The following PCMT1 variants were observed in gnomAD, a reference collection of about 807,000 sequenced individuals.
PCMT1 encodes the protein protein-L-isoaspartate(D-aspartate) O-methyltransferase.
A neutral mutation model predicts 29.2 loss-of-function variants in PCMT1; 9 were observed. That is an observed-to-expected ratio of 0.31 (90% CI 0.19 to 0.54). The LOEUF (loss-of-function observed/expected upper bound fraction) is 0.54, where lower values mean the gene tolerates loss of function less well. PCMT1 is among the 20% of genes least tolerant of loss of function. The pLI is 0.95. For missense variants in PCMT1, 184 were observed against 282.2 expected, an observed-to-expected ratio of 0.65 and a Z score of 2.49; for synonymous variants, 98 against 97.5, an observed-to-expected ratio of 1.00 and a Z score of -0.03.
At chr6:149,750,899 A>G (rs1786288284) in intron 1 of PCMT1, among the ~76,000 whole-genome samples, 1 of 152,174 alleles carries the variant, frequency 6.6e-6, no homozygotes, top group African/African-American at 2.4e-5. Context: ...ATTATTCGCT[A>G]CTATGCAGTA....
intron 7 of PCMT1, among the ~76,000 whole-genome samples, chr6:149,805,040 A>G (rs1775965557): frequency 6.6e-6 from 1 of 152,064 alleles, no homozygotes; most frequent in African/African-American, 2.4e-5. Flanking sequence ...CCAGAAGTTC[A>G]AGAGAAGCCT....
chr6:149,793,518 A>G (rs370093731), intron 4 of PCMT1, 31 bp from the exon 5 acceptor site: 289 of 1,419,368 alleles, frequency 2.0e-4, no homozygotes, highest in Non-Finnish European at 2.6e-4. Flanking sequence ...ATTTAGCCCA[A>G]TGAGCTACTG....
At chr6:149,773,448 G>A (rs746534160) in intron 3 of PCMT1, among the ~76,000 whole-genome samples, 8 of 152,054 alleles carry the variant, frequency 5.3e-5, no homozygotes, top group Non-Finnish European at 8.8e-5. Flanking sequence ...GCACAATCTC[G>A]GCTCACTGCA....
At chr6:149,769,766 T>C (rs1787234653) in intron 1 of PCMT1, among the ~76,000 whole-genome samples, 1 of 143,730 alleles carries the variant, frequency 7.0e-6, no homozygotes, top group Non-Finnish European at 1.5e-5. Context: ...CCCCAGCTAA[T>C]TAAATTTTTT....
At chr6:149,771,969 C>T (rs1323797819) in intron 2 of PCMT1, 2 of 456,600 alleles carry the variant, frequency 4.4e-6, no homozygotes, top group Non-Finnish European at 8.8e-6. Flanking sequence ...TTAATGACTT[C>T]TCTGCTTTAT....
chr6:149,774,272 C>T (rs560413412), intron 3 of PCMT1, among the ~76,000 whole-genome samples: 1 of 151,556 alleles, frequency 6.6e-6, no homozygotes, highest in East Asian at 1.9e-4. Context: ...TGGAGTCTCA[C>T]ACTGTTGCCC....
In PCMT1 at chr6:149,762,233, A is replaced by C. The variant is rs1166671479; in HGVS notation, c.56-8929A>C. ...TTATTTGGCTGATAGCTTGGATTCT[A>C]TTGTAGTCTCCTTTTTGAATCCTGT... On this transcript the variant is annotated intron_variant, in intron 1 of 7. Transcript: ENST00000464889. 5.9e-5 allele frequency among the ~76,000 whole-genome samples: 9 copies of C among 151,610 alleles called. No homozygotes were observed. In the Admixed American group the frequency reaches 5.9e-4, roughly 10 times the overall value.
At chr6:149,789,911 T>G in intron 3 of PCMT1, 43 bp from the exon 4 acceptor site, 1 of 1,298,092 alleles carries the variant, frequency 7.7e-7, no homozygotes, top group Non-Finnish European at 1.1e-6. Context: ...TACCATGATG[T>G]GTGTACTTTA....
intron 3 of PCMT1, among the ~76,000 whole-genome samples, chr6:149,775,896 A>C (rs773541270): frequency 2.0e-5 from 3 of 152,182 alleles, no homozygotes; most frequent in African/African-American, 4.8e-5. Flanking sequence ...GTGGTGGCTC[A>C]CATCTGTAAT....
intron 6 of PCMT1, chr6:149,798,971 G>T (rs1406286611): frequency 6.6e-6 from 1 of 152,086 alleles, no homozygotes; most frequent in African/African-American, 2.4e-5. Context: ...TAAGAAAAAA[G>T]AACAACCATA....
intron 6 of PCMT1, among the ~76,000 whole-genome samples, chr6:149,800,431 T>C (rs1775790211): frequency 6.6e-6 from 1 of 152,092 alleles, no homozygotes; most frequent in African/African-American, 2.4e-5. Flanking sequence ...ATCGTGCCAC[T>C]GCACTCCAGC....
intron 7 of PCMT1, among the ~76,000 whole-genome samples, chr6:149,804,817 T>C (rs1208966230): frequency 6.6e-6 from 1 of 152,152 alleles, no homozygotes; most frequent in Non-Finnish European, 1.5e-5. Flanking sequence ...CTTAATTTTA[T>C]ATTATGCATA....
chr6:149,793,907 C>T (rs1184944730), intron 5 of PCMT1, among the ~76,000 whole-genome samples: 2 of 152,174 alleles, frequency 1.3e-5, no homozygotes, highest in Non-Finnish European at 2.9e-5. Flanking sequence ...TGTAATGTGT[C>T]TGACCATTAG....
At position 149,761,108 on chromosome 6, in the gene PCMT1, T is replaced by C. The variant is rs73608671; in HGVS notation, c.56-10054T>C. Among the ~76,000 whole-genome samples the C allele has an allele frequency of 4.5e-3, 689 of 151,682 alleles. 6 individuals carry two copies. Among genetic ancestry groups the C allele is most frequent in the African/African-American group, 0.016 (675 of 41,338 alleles). ...TATATGAAGGAAGGGGATAGGTTTGTGTTGTGTAAATACTCATCCATCTTG... is the reference window on the plus strand; with the variant it reads ...TATATGAAGGAAGGGGATAGGTTTGCGTTGTGTAAATACTCATCCATCTTG... On this transcript the variant is annotated intron_variant, in intron 1 of 7. Transcript: ENST00000464889.
intron 1 of PCMT1, among the ~76,000 whole-genome samples, chr6:149,758,358 AT>A (rs959196757): frequency 6.8e-6 from 1 of 147,874 alleles, no homozygotes; most frequent in African/African-American, 2.5e-5. Context: ...TTACAGGCAT[AT>A]GCTACCACGC....
intron 3 of PCMT1, among the ~76,000 whole-genome samples, chr6:149,787,123 C>T (rs544348929): frequency 4.0e-4 from 58 of 145,158 alleles, no homozygotes; most frequent in African/African-American, 1.5e-3. Flanking sequence ...CAAAAAAATA[C>T]GAAAACCAGT....
Position 149,796,494 on chromosome 6 carries a change from C to G in PCMT1, c.498C>G (p.Pro166=). ...TGGGAGCTGCAGCCCCTGTTGTACC[C>G]CAGGCGGTGAGTCGGGATTTTTTCT... ...IHVGAAAPVV[P]QALIDQLKPG... is the part of the protein sequence containing the mutation. Residue 166 remains proline, a synonymous_variant, in exon 6 of 8, where the codon CCC becomes CCG. Coordinates refer to ENST00000464889, the MANE Select transcript of PCMT1 (RefSeq NM_001360452.2). 6.2e-7 allele frequency: 1 copy of G among 1,611,226 alleles called. No homozygotes were observed. The highest frequency in any genetic ancestry group is 8.5e-7 in the Non-Finnish European group (1 of 1,178,422).
intron 3 of PCMT1, among the ~76,000 whole-genome samples, chr6:149,785,556 C>T (rs1301126759): frequency 6.6e-6 from 1 of 152,034 alleles, no homozygotes; most frequent in Non-Finnish European, 1.5e-5. Flanking sequence ...ACCCTGAGGC[C>T]TTCCGCAGTG....
intron 5 of PCMT1, chr6:149,794,829 G>A (rs902523718): frequency 6.1e-6 from 3 of 488,956 alleles, no homozygotes; most frequent in Non-Finnish European, 8.3e-6. Flanking sequence ...AGAGATAGAC[G>A]AAGGTCAAGT....
Sources: gnomAD v4.1 joint callset for allele counts (sites outside exome capture counted in the v4.1 genomes callset) on GRCh38, gnomAD v4.1.1 for gene constraint, MANE v1.5 for transcripts, NCBI Gene and HGNC (gene_info 2026-07-23, HGNC 2026-07-21) for gene names.